DOCK4: variants seen among roughly 807,000 people sequenced by gnomAD.
The protein encoded by DOCK4 is dedicator of cytokinesis 4.
In DOCK4, 97 loss-of-function variants were observed where a neutral mutation model predicts 268.1. The observed-to-expected ratio is 0.36, with a 90% CI of 0.31 to 0.43. The LOEUF (loss-of-function observed/expected upper bound fraction) is 0.43. DOCK4 is among the 20% of genes least tolerant of loss of function. The pLI is 1.00. For missense variants in DOCK4, 2,145 were observed against 2,455.7 expected, an observed-to-expected ratio of 0.87 and a Z score of 2.67; for synonymous variants, 954 against 887.2, an observed-to-expected ratio of 1.08 and a Z score of -1.34.
At chr7:111,957,453 A>T (rs1796533130) in intron 8 of DOCK4, among the ~76,000 whole-genome samples, 2 of 152,200 alleles carry the variant, frequency 1.3e-5, no homozygotes, top group South Asian at 4.1e-4. Context: ...CCCAAAGTTC[A>T]TTTCAAGTAA....
At chr7:112,008,165 T>G (rs1455978093) in intron 1 of DOCK4, among the ~76,000 whole-genome samples, 1 of 152,200 alleles carries the variant, frequency 6.6e-6, no homozygotes, top group Non-Finnish European at 1.5e-5. Context: ...TATTCGGTTC[T>G]ATTATTTTAG....
chr7:111,934,523 G>GTTTTTTTTT lies in DOCK4; in HGVS notation c.1066+1008_1066+1016dup, dbSNP rs1183672033. On this transcript the variant is annotated intron_variant, in intron 12 of 52. Coordinates refer to ENST00000428084, the MANE Select transcript of DOCK4 (RefSeq NM_001363540.2). ...GCGAAGCATGTTTTGTTTTGTTTTT[G>GTTTTTTTTT]TTTTTTTTTTTTTTTTTTTTTTTTT... Among the ~76,000 whole-genome samples the GTTTTTTTTT allele has an allele frequency of 3.9e-4, 33 of 83,836 alleles. 1 individual carries two copies. Among genetic ancestry groups the GTTTTTTTTT allele is most frequent in the African/African-American group, 9.7e-4 (24 of 24,820 alleles). 55.0% of individuals were successfully genotyped at this position (83,836 alleles called of 152,430 possible).
chr7:111,750,054 A>ATCTC, intron 42 of DOCK4, among the ~76,000 whole-genome samples: 1 of 152,190 alleles, frequency 6.6e-6, no homozygotes, highest in African/African-American at 2.4e-5. Context: ...TCAGATTACA[A>ATCTC]TCTCTAAATA....
chr7:111,791,311 C>G (rs932453293), intron 30 of DOCK4, among the ~76,000 whole-genome samples: 32 of 106,620 alleles, frequency 3.0e-4, no homozygotes, highest in African/African-American at 2.4e-3. Context: ...ACACATATAT[C>G]TTAGTCTAGA....
chr7:111,979,479 A>ATTTTTTTTT (rs10629057), intron 7 of DOCK4, among the ~76,000 whole-genome samples: 1 of 147,242 alleles, frequency 6.8e-6, no homozygotes. Context: ...TGCTTTAACA[A>ATTTTTTTTT]TTTTTTTTTT....
intron 1 of DOCK4, among the ~76,000 whole-genome samples, chr7:112,082,625 G>A (rs771751260): frequency 1.3e-5 from 2 of 151,998 alleles, no homozygotes; most frequent in Admixed American, 6.6e-5. Flanking sequence ...TTAAACCCTC[G>A]ACTAAAGGAG....
chr7:111,979,903 A>G (rs1031570049), intron 7 of DOCK4, among the ~76,000 whole-genome samples: 6 of 152,208 alleles, frequency 3.9e-5, no homozygotes, highest in African/African-American at 1.4e-4. Context: ...GAGAGCTTTT[A>G]AAAAATACTT....
At chr7:112,183,914 T>G (rs879335572) in intron 1 of DOCK4, among the ~76,000 whole-genome samples, 7 of 152,200 alleles carry the variant, frequency 4.6e-5, no homozygotes, top group Non-Finnish European at 5.9e-5. Context: ...TTCACCTAGT[T>G]AATTCCTACA....
chr7:111,814,708 T>C (rs1215051964), intron 27 of DOCK4, among the ~76,000 whole-genome samples: 2 of 152,182 alleles, frequency 1.3e-5, no homozygotes, highest in Non-Finnish European at 1.5e-5. Flanking sequence ...TCCTGACTTC[T>C]GGAATATTAG....
chr7:112,032,313 T>C (rs1349201914), intron 1 of DOCK4, among the ~76,000 whole-genome samples: 3 of 152,222 alleles, frequency 2.0e-5, no homozygotes, highest in Non-Finnish European at 2.9e-5. Context: ...AAATGTTTGA[T>C]AACTAATTAA....
At chr7:111,958,386 G>A (rs1271747719) in intron 8 of DOCK4, among the ~76,000 whole-genome samples, 2 of 152,132 alleles carry the variant, frequency 1.3e-5, no homozygotes, top group African/African-American at 2.4e-5. Context: ...TGCTAAGTGT[G>A]ACCATAGCTT....
intron 1 of DOCK4, among the ~76,000 whole-genome samples, chr7:112,161,916 T>C (rs1817163647): frequency 6.6e-6 from 1 of 152,182 alleles, no homozygotes; most frequent in African/African-American, 2.4e-5. Context: ...GAACTCACAG[T>C]TGCTACTCCC....
At chr7:112,201,038 C>T (rs1289881429) in intron 1 of DOCK4, among the ~76,000 whole-genome samples, 3 of 152,074 alleles carry the variant, frequency 2.0e-5, no homozygotes, top group African/African-American at 4.8e-5. Context: ...GCTTTACATG[C>T]TATGTAGATA....
intron 1 of DOCK4, among the ~76,000 whole-genome samples, chr7:112,021,335 GA>G (rs1179809726): frequency 1.3e-5 from 2 of 152,214 alleles, no homozygotes; most frequent in Non-Finnish European, 2.9e-5. Context: ...CTATATAGGA[GA>G]CTAGGTATCT....
intron 1 of DOCK4, among the ~76,000 whole-genome samples, chr7:112,058,024 A>ATTTTTTTTTTTT (rs67991598): frequency 8.7e-6 from 1 of 115,040 alleles, no homozygotes; most frequent in African/African-American, 3.2e-5. Flanking sequence ...TACAGGTTCA[A>ATTTTTTTTTTTT]TTTTTTTTTT....
At chr7:112,111,766 A>T (rs1293442151) in intron 1 of DOCK4, among the ~76,000 whole-genome samples, 1 of 152,198 alleles carries the variant, frequency 6.6e-6, no homozygotes, top group Non-Finnish European at 1.5e-5. Flanking sequence ...TGCCGGCCTA[A>T]CCTGGAATTG....
intron 1 of DOCK4, among the ~76,000 whole-genome samples, chr7:112,137,139 T>C (rs1814434659): frequency 6.6e-6 from 1 of 152,202 alleles, no homozygotes; most frequent in African/African-American, 2.4e-5. Context: ...TTGGTACAAA[T>C]AACTGCCAAC....
At chr7:111,981,178 A>G (rs991371798) in intron 7 of DOCK4, among the ~76,000 whole-genome samples, 6 of 152,204 alleles carry the variant, frequency 3.9e-5, no homozygotes, top group African/African-American at 1.4e-4. Context: ...CAATTAATCA[A>G]ATGTCCTCTG....
At chr7:112,110,942 C>T (rs1811592267) in intron 1 of DOCK4, among the ~76,000 whole-genome samples, 1 of 152,196 alleles carries the variant, frequency 6.6e-6, no homozygotes, top group Non-Finnish European at 1.5e-5. Context: ...ACCTGTACCT[C>T]AGCAAAAAGA....
Sources: allele counts gnomAD v4.1 joint callset (sites outside exome capture counted in the v4.1 genomes callset), GRCh38; gene constraint gnomAD v4.1.1; transcripts MANE v1.5; gene names NCBI Gene and HGNC (gene_info 2026-07-23, HGNC 2026-07-21).